OPCML: variants seen among roughly 807,000 people sequenced by gnomAD.
OPCML encodes opioid-binding protein/cell adhesion molecule.
A neutral mutation model predicts 37.8 loss-of-function variants in OPCML; 13 were observed. The observed-to-expected ratio is 0.34, with a 90% CI of 0.22 to 0.55. OPCML has a LOEUF of 0.55. OPCML is among the 20% of genes least tolerant of loss of function. The pLI is 0.91. For missense variants in OPCML, 341 were observed against 435.6 expected (o/e 0.78, Z 1.93); for synonymous variants, 176 against 168.8 (o/e 1.04, Z -0.33).
chr11:132,667,675 C>A (rs1313877690), intron 2 of OPCML, among the ~76,000 whole-genome samples: 1 of 152,032 alleles, frequency 6.6e-6, no homozygotes, highest in Non-Finnish European at 1.5e-5. Context: ...TATGGGAAAG[C>A]CAGGAGGCAA....
intron 4 of OPCML, among the ~76,000 whole-genome samples, chr11:132,514,365 C>T (rs768711765): frequency 6.6e-6 from 1 of 152,108 alleles, no homozygotes; most frequent in Non-Finnish European, 1.5e-5. Context: ...AAGGCCAGTG[C>T]GACAGAGCTT....
At chr11:133,151,002 C>T (rs1456358212) in intron 1 of OPCML, among the ~76,000 whole-genome samples, 1 of 151,914 alleles carries the variant, frequency 6.6e-6, no homozygotes, top group African/African-American at 2.4e-5. Context: ...CGGCCAGGTG[C>T]GGTGGCTCAT....
At chr11:132,544,904 GC>G (rs1565652506) in intron 3 of OPCML, among the ~76,000 whole-genome samples, 3 of 152,140 alleles carry the variant, frequency 2.0e-5, no homozygotes. Flanking sequence ...TAGGAGCATG[GC>G]CTTGAGAAGG....
chr11:133,364,216 T>G (rs1944488331), intron 1 of OPCML, among the ~76,000 whole-genome samples: 1 of 152,176 alleles, frequency 6.6e-6, no homozygotes, highest in Non-Finnish European at 1.5e-5. Context: ...AAGGGTATAT[T>G]CCTACACGCA....
At chr11:133,378,887 G>A (rs112507350) in intron 1 of OPCML, among the ~76,000 whole-genome samples, 1 of 151,954 alleles carries the variant, frequency 6.6e-6, no homozygotes, top group Non-Finnish European at 1.5e-5. Context: ...GACAACGAGT[G>A]CACACCATCA....
intron 4 of OPCML, among the ~76,000 whole-genome samples, chr11:132,455,138 A>G (rs1419543014): frequency 6.6e-6 from 1 of 152,188 alleles, no homozygotes; most frequent in Non-Finnish European, 1.5e-5. Flanking sequence ...GCATTGCAAA[A>G]AGTTTCACAG....
chr11:132,614,763 G>T (rs1938885041), intron 3 of OPCML, among the ~76,000 whole-genome samples: 1 of 152,116 alleles, frequency 6.6e-6, no homozygotes, highest in African/African-American at 2.4e-5. Flanking sequence ...AATAAAATTT[G>T]GTGTTCTTAA....
chr11:133,026,750 G>A (rs1482214853), intron 1 of OPCML, among the ~76,000 whole-genome samples: 1 of 152,168 alleles, frequency 6.6e-6, no homozygotes, highest in Non-Finnish European at 1.5e-5. Context: ...TTTCCCGCTA[G>A]TGTCTAAGTA....
intron 2 of OPCML, among the ~76,000 whole-genome samples, chr11:132,686,368 T>C (rs1591725879): frequency 6.6e-6 from 1 of 152,218 alleles, no homozygotes; most frequent in Non-Finnish European, 1.5e-5. Context: ...GAAGGTCTGA[T>C]CTGTCCTGTC....
chr11:133,333,938 T>C (rs1943682943), intron 1 of OPCML, among the ~76,000 whole-genome samples: 1 of 152,132 alleles, frequency 6.6e-6, no homozygotes, highest in South Asian at 2.1e-4. Context: ...AAAACCACAG[T>C]GAGATACTAT....
intron 3 of OPCML, among the ~76,000 whole-genome samples, chr11:132,579,577 T>G (rs2096458151): frequency 6.6e-6 from 1 of 152,160 alleles, no homozygotes; most frequent in Non-Finnish European, 1.5e-5. Flanking sequence ...CAGAGGTCTC[T>G]CCTGCTCATG....
chr11:133,187,288 G>A (rs1011882945), intron 1 of OPCML, among the ~76,000 whole-genome samples: 3 of 152,112 alleles, frequency 2.0e-5, no homozygotes, highest in South Asian at 2.1e-4. Context: ...CACATCCCAC[G>A]TCTTTCCACT....
At chr11:133,112,182 T>C (rs1949264039) in intron 1 of OPCML, among the ~76,000 whole-genome samples, 1 of 150,938 alleles carries the variant, frequency 6.6e-6, no homozygotes, top group African/African-American at 2.4e-5. Flanking sequence ...CTTGGGAGTA[T>C]GGTTCCATCC....
At chr11:132,599,366 GAGGAGGAAGA>G (rs202098010) in intron 3 of OPCML, among the ~76,000 whole-genome samples, 61,167 of 127,872 alleles carry the variant, frequency 0.48, 15,418 homozygotes, top group Admixed American at 0.62. Flanking sequence ...GGAGAAGGAG[GAGGAGGAAGA>G]AGGAGGAAGA....
chr11:133,430,134 G>T (rs920399399), intron 1 of OPCML, among the ~76,000 whole-genome samples: 7 of 152,086 alleles, frequency 4.6e-5, no homozygotes, highest in Admixed American at 3.9e-4. Flanking sequence ...TGCAAATACC[G>T]CTGACAGATC....
At chr11:133,076,954 G>A (rs755643683) in intron 1 of OPCML, among the ~76,000 whole-genome samples, 6 of 152,120 alleles carry the variant, frequency 3.9e-5, no homozygotes, top group African/African-American at 7.2e-5. Flanking sequence ...CTTTGTGATC[G>A]GTTAGTGATG....
chr11:133,126,765 T>G (rs1036015792), intron 1 of OPCML, among the ~76,000 whole-genome samples: 2 of 152,202 alleles, frequency 1.3e-5, no homozygotes, highest in Middle Eastern at 3.4e-3. Flanking sequence ...GCTACCCAGC[T>G]ACACAAAGAT....
rs1172640382 is a variant in OPCML, at chr11:132,570,325, A to G, written c.380-41139T>C. 2.6e-5 allele frequency among the ~76,000 whole-genome samples: 4 copies of G among 152,126 alleles called. No individual in the cohort carries two copies. In the East Asian group the frequency reaches 7.7e-4, roughly 29 times the overall value. On this transcript the variant is annotated intron_variant, in intron 3 of 7. Transcript: ENST00000524381. ...TTTTCGTTTGGCCCTTTACAGGAACATTGCTGACCCCTGCTCTAGATCACA... is the reference window on the plus strand; with the variant it reads ...TTTTCGTTTGGCCCTTTACAGGAACGTTGCTGACCCCTGCTCTAGATCACA...
intron 3 of OPCML, among the ~76,000 whole-genome samples, chr11:132,554,411 G>C (rs1229382041): frequency 6.6e-6 from 1 of 152,188 alleles, no homozygotes; most frequent in Non-Finnish European, 1.5e-5. Flanking sequence ...TGGGTCTCAG[G>C]GCAGGAGAAA....
Sources: gnomAD v4.1 joint callset for allele counts (sites outside exome capture counted in the v4.1 genomes callset) on GRCh38, gnomAD v4.1.1 for gene constraint, MANE v1.5 for transcripts, NCBI Gene and HGNC (gene_info 2026-07-23, HGNC 2026-07-21) for gene names.